KAZN: variants seen among roughly 807,000 people sequenced by gnomAD.
KAZN encodes the protein kazrin, periplakin interacting protein, also known as kazrin.
Under a neutral mutation model 87.4 loss-of-function variants are expected in KAZN, and 40 were observed. The observed-to-expected ratio is 0.46, with a 90% CI of 0.36 to 0.60. The LOEUF (loss-of-function observed/expected upper bound fraction) is 0.60, where lower values mean the gene tolerates loss of function less well. Ranked by LOEUF, KAZN falls within the 20% of genes least tolerant of loss-of-function variation. The pLI is 0.00. For synonymous variants in KAZN, 466 were observed against 458.3 expected (o/e 1.02, Z -0.22); for missense variants, 898 against 1,073.9 (o/e 0.84, Z 2.29).
intron 1 of KAZN, among the ~76,000 whole-genome samples, chr1:14,830,015 T>C (rs1460369607): frequency 6.6e-6 from 1 of 152,212 alleles, no homozygotes; most frequent in East Asian, 1.9e-4. Context: ...TCTTTCTTCT[T>C]TGTGGCTATA....
intron 8 of KAZN, among the ~76,000 whole-genome samples, chr1:15,093,116 G>A (rs1049212620): frequency 2.0e-5 from 3 of 152,012 alleles, no homozygotes; most frequent in African/African-American, 7.2e-5. Flanking sequence ...AATAAATTAC[G>A]GAGCCTCCTT....
intron 1 of KAZN, among the ~76,000 whole-genome samples, chr1:14,042,689 A>G (rs1366154142): frequency 2.0e-5 from 3 of 152,012 alleles, no homozygotes. Context: ...AAGGGGACAG[A>G]TATTTCTTCA....
At chr1:14,712,835 C>G (rs77908789) in intron 1 of KAZN, among the ~76,000 whole-genome samples, 3,038 of 152,338 alleles carry the variant, frequency 0.02, 43 homozygotes, top group South Asian at 0.062. Flanking sequence ...AGAATTAATA[C>G]TGTCTTCTCA....
At chr1:14,156,070 TTTC>T (rs1645587242) in intron 1 of KAZN, among the ~76,000 whole-genome samples, 1 of 152,192 alleles carries the variant, frequency 6.6e-6, no homozygotes, top group South Asian at 2.1e-4. Context: ...ATTTTTTAAT[TTTC>T]TTCTTAATTT....
At chr1:14,417,637 A>G (rs992128352) in intron 2 of KAZN, among the ~76,000 whole-genome samples, 1 of 152,170 alleles carries the variant, frequency 6.6e-6, no homozygotes, top group African/African-American at 2.4e-5. Context: ...AGGAGACCCT[A>G]GGAAAGAACA....
At chr1:14,398,434 G>C (rs994392035) in intron 2 of KAZN, among the ~76,000 whole-genome samples, 2 of 152,296 alleles carry the variant, frequency 1.3e-5, no homozygotes, top group African/African-American at 4.8e-5. Context: ...GGATCGAATG[G>C]GTTAATGCAT....
chr1:13,902,561 G>C (rs1639288486), intron 1 of KAZN, among the ~76,000 whole-genome samples: 3 of 152,304 alleles, frequency 2.0e-5, no homozygotes, highest in Admixed American at 2.0e-4. Flanking sequence ...AGGGAAGAGG[G>C]GGAATAAAAA....
intron 1 of KAZN, among the ~76,000 whole-genome samples, chr1:14,789,902 C>T (rs781497878): frequency 4.0e-5 from 6 of 151,778 alleles, no homozygotes; most frequent in African/African-American, 1.2e-4. Flanking sequence ...ATGACATCTC[C>T]TAACCACCAT....
intron 1 of KAZN, among the ~76,000 whole-genome samples, chr1:14,870,639 T>A (rs908072666): frequency 1.3e-5 from 2 of 152,226 alleles, no homozygotes; most frequent in East Asian, 3.9e-4. Context: ...CCAGGCCCGG[T>A]TTTCCTCATC....
In KAZN at chr1:14,081,595, G is replaced by T. The variant is rs746989212; in HGVS notation, c.92-98840G>T. Among the ~76,000 whole-genome samples the T allele has an allele frequency of 7.2e-5, 11 of 151,960 alleles. No homozygotes were observed. In the South Asian group the frequency reaches 1.2e-3, roughly 17 times the overall value. ...TCATGTGAAATCAAAATTTTAGTGC[G>T]CATGAATAAAATTCTACTGGTACAT... is the stretch of plus-strand genomic sequence containing the variant. On this transcript the variant is annotated intron_variant, in intron 1 of 16. Transcript: ENST00000636203.
At chr1:14,557,489 A>G (rs979668481) in intron 2 of KAZN, among the ~76,000 whole-genome samples, 14 of 152,094 alleles carry the variant, frequency 9.2e-5, no homozygotes, top group African/African-American at 2.2e-4. Flanking sequence ...CACATTAAAT[A>G]TAAATATATT....
At chr1:14,214,235 G>GGCTT (rs1646912675) in intron 2 of KAZN, among the ~76,000 whole-genome samples, 2 of 12,480 alleles carry the variant, frequency 1.6e-4, no homozygotes, top group South Asian at 1.5e-3. Context: ...ACCTCACTCC[G>GGCTT]GCTTTCTTTG....
At chr1:14,009,097 A>T (rs1381624140) in intron 1 of KAZN, among the ~76,000 whole-genome samples, 1 of 152,240 alleles carries the variant, frequency 6.6e-6, no homozygotes, top group East Asian at 1.9e-4. Flanking sequence ...TTCACTTAGC[A>T]TAATGAGCTC....
intron 1 of KAZN, among the ~76,000 whole-genome samples, chr1:13,943,699 C>A (rs1042710763): frequency 6.6e-6 from 1 of 151,762 alleles, no homozygotes; most frequent in South Asian, 2.1e-4. Flanking sequence ...TCTAAATATT[C>A]ACTGATTTTC....
chr1:14,548,348 A>G (rs1370116965), intron 2 of KAZN, among the ~76,000 whole-genome samples: 1 of 151,888 alleles, frequency 6.6e-6, no homozygotes, highest in East Asian at 1.9e-4. Flanking sequence ...ACAGGCGCCC[A>G]CCACCATGCC....
rs368236866 is a variant in KAZN at position 14,624,434 on chromosome 1, A to AC, written c.226+25211_226+25212insC. ...GAGACTCCGTCTCAAGAAAAAAAAA[A>AC]AACAACAAAAAAAACCACTAACTAT... On this transcript the variant is annotated intron_variant, in intron 1 of 14. Coordinates refer to ENST00000376030, the MANE Select transcript of KAZN (RefSeq NM_201628.3). 4.7e-3 allele frequency among the ~76,000 whole-genome samples: 686 copies of AC among 145,918 alleles called. 8 individuals carry two copies. Among genetic ancestry groups the AC allele is most frequent in the African/African-American group, 0.017 (619 of 35,398 alleles).
intron 8 of KAZN, among the ~76,000 whole-genome samples, chr1:15,068,688 C>A (rs1444555952): frequency 1.3e-5 from 2 of 151,942 alleles, no homozygotes; most frequent in African/African-American, 4.8e-5. Context: ...CCCCCAGATA[C>A]AAAACTCAGG....
chr1:14,105,312 G>A (rs1644344338), intron 1 of KAZN, among the ~76,000 whole-genome samples: 1 of 152,174 alleles, frequency 6.6e-6, no homozygotes, highest in Non-Finnish European at 1.5e-5. Context: ...GAAGGAGCTG[G>A]GAAGGCTTCC....
At chr1:13,898,318 G>A (rs1297748029) in intron 1 of KAZN, among the ~76,000 whole-genome samples, 1 of 152,214 alleles carries the variant, frequency 6.6e-6, no homozygotes, top group Non-Finnish European at 1.5e-5. Flanking sequence ...GCAGAGGGCT[G>A]TTGCCCCATC....
Sources: allele counts gnomAD v4.1 joint callset (sites outside exome capture counted in the v4.1 genomes callset), GRCh38; gene constraint gnomAD v4.1.1; transcripts MANE v1.5; gene names NCBI Gene and HGNC (gene_info 2026-07-23, HGNC 2026-07-21).